GTF2H2C: variants seen among roughly 807,000 people sequenced by gnomAD.
GTF2H2C encodes the protein GTF2H2 family member C.
GTF2H2C carries 5 observed loss-of-function variants against 24.8 expected under a neutral mutation model. The ratio of observed to expected loss-of-function variants is 0.20; its 90% CI spans 0.11 to 0.42. GTF2H2C has a LOEUF of 0.42. GTF2H2C is among the 20% of genes least tolerant of loss of function. The pLI is 1.00. For synonymous variants in GTF2H2C, 14 were observed against 52.6 expected (o/e 0.27, Z 3.18); for missense variants, 45 against 169.8 (o/e 0.27, Z 4.08).
intron 2 of GTF2H2C, among the ~76,000 whole-genome samples, chr5:69,564,769 A>G (rs559887705): frequency 6.6e-6 from 1 of 150,382 alleles, no homozygotes. Context: ...TCACTCAGCT[A>G]TAATAGTTCA....
chr5:69,561,058 G>A (rs2244243), intron 1 of GTF2H2C, among the ~76,000 whole-genome samples: 1 of 151,356 alleles, frequency 6.6e-6, no homozygotes, highest in African/African-American at 2.4e-5. Context: ...CCTGGCCTCG[G>A]TGATATTTTT....
In GTF2H2C at chr5:69,594,542, T is replaced by A. The variant is rs1772120555; in HGVS notation, c.*2344T>A. 1 of 144,092 alleles carries A rather than the reference T, an allele frequency of 6.9e-6. No homozygotes were observed. Among genetic ancestry groups the A allele is most frequent in the African/African-American group, 2.5e-5 (1 of 39,946 alleles). The allele number at this position is 144,092 out of a possible 1,614,324, so 8.9% of individuals were successfully genotyped here. On this transcript the variant is annotated 3_prime_UTR_variant, in exon 17 of 17. Coordinates refer to ENST00000380729, the MANE Select transcript of GTF2H2C (RefSeq NM_001376000.2). Reference sequence around the variant, plus strand: ...CCATGAGCCTGGACCCAGTGGTTCTTTATGTGGAAACAAATTTCACCTATA... The same window carrying A: ...CCATGAGCCTGGACCCAGTGGTTCTATATGTGGAAACAAATTTCACCTATA...
intron 8 of GTF2H2C, chr5:69,568,893 G>A (rs1472206337): frequency 8.5e-6 from 1 of 117,592 alleles, no homozygotes; most frequent in Non-Finnish European, 1.8e-5. Context: ...TAATTTAAAA[G>A]GGAAAAAGTA....
rs1156422359 is a variant in GTF2H2C, at chr5:69,568,491, CTTTTTTTTTTTTTT to C, written c.364+295_364+308del. 1.8e-4 allele frequency: 18 copies of C among 100,170 alleles called. 1 individual carries two copies. In the South Asian group the frequency reaches 1.9e-3, roughly 10 times the overall value. 6.2% of individuals were successfully genotyped at this position (100,170 alleles called of 1,614,324 possible). A position where few individuals can be genotyped will look rare whatever the true frequency, so the allele number is the denominator to read the frequency against. On this transcript the variant is annotated intron_variant, in intron 8 of 16. Coordinates refer to ENST00000380729, the MANE Select transcript of GTF2H2C (RefSeq NM_001376000.2). ...TTATCCTGAAATTTTTTTTTCTTTC[CTTTTTTTTTTTTTT>C]TTTTTTTTTTGGAGATGGAGTCTTG...
At chr5:69,560,620 C>CT (rs1238222614) in intron 1 of GTF2H2C, 5 of 146,768 alleles carry the variant, frequency 3.4e-5, no homozygotes, top group African/African-American at 1.3e-4. Context: ...TGAAGAAAAG[C>CT]TTCTTAAATT....
chr5:69,569,956 GC>G, intron 8 of GTF2H2C: 1 of 33,768 alleles, frequency 3.0e-5, no homozygotes, highest in African/African-American at 6.3e-5. Flanking sequence ...ACAGGCATCA[GC>G]CACCATGCCC....
At chr5:69,591,557 G>C (rs1465840819) in intron 16 of GTF2H2C, among the ~76,000 whole-genome samples, 650 of 149,808 alleles carry the variant, frequency 4.3e-3, no homozygotes, top group Middle Eastern at 0.018. Flanking sequence ...CAAGGAGCAA[G>C]TACTCATATA....
At position 69,577,420 on chromosome 5, in the gene GTF2H2C, C is replaced by G. The variant is rs1301168561; in HGVS notation, c.471-1292C>G. Among the ~76,000 whole-genome samples, 4 of 140,848 alleles carry G rather than the reference C, an allele frequency of 2.8e-5. No homozygotes were observed. In the Admixed American group the frequency reaches 2.8e-4, roughly 10 times the overall value. The allele number at this position is 140,848 out of a possible 152,430, so 92.4% of individuals were successfully genotyped here. On this transcript the variant is annotated intron_variant, in intron 9 of 16. Transcript: ENST00000380729. ...ACAGTATAGTGTAAACAGAACTTTT[C>G]TTTTTCTTTCTTTTTTTTTTTTTGA...
intron 12 of GTF2H2C, among the ~76,000 whole-genome samples, chr5:69,580,147 C>T (rs1231962161): frequency 7.0e-6 from 1 of 142,944 alleles, no homozygotes; most frequent in Non-Finnish European, 1.5e-5. Flanking sequence ...GTAATCCCAG[C>T]ACTTTGGGAG....
At chr5:69,573,041 G>T in intron 9 of GTF2H2C, among the ~76,000 whole-genome samples, 1 of 132,530 alleles carries the variant, frequency 7.5e-6, no homozygotes, top group African/African-American at 2.9e-5. Context: ...ATATATATAA[G>T]CTTTATATAC....
In GTF2H2C at chr5:69,579,749, C is replaced by G. The variant is rs1771441136; in HGVS notation, c.650-8C>G. 1 of 1,592,148 alleles carries G rather than the reference C, an allele frequency of 6.3e-7. No homozygotes were observed. Among genetic ancestry groups the G allele is most frequent in the African/African-American group, 1.4e-5 (1 of 72,008 alleles). ...AAGGTGTTTTTTTTTCCCTTTTCAT[C>G]TTGTTAGGCACGTACCATGTTATTT... On this transcript the variant is annotated splice_region_variant and splice_polypyrimidine_tract_variant and intron_variant, in intron 11 of 16. Coordinates refer to ENST00000380729, the MANE Select transcript of GTF2H2C (RefSeq NM_001376000.2).
chr5:69,577,236 C>T (rs1771343581), intron 9 of GTF2H2C, among the ~76,000 whole-genome samples: 1 of 46,358 alleles, frequency 2.2e-5, no homozygotes, highest in Non-Finnish European at 3.7e-5. Flanking sequence ...GAAAGCACCA[C>T]TCTGATCAGT....
chr5:69,568,429 T>A (rs970763052), intron 8 of GTF2H2C: 1 of 505,354 alleles, frequency 2.0e-6, no homozygotes, highest in African/African-American at 2.1e-5. Context: ...TAATACTACA[T>A]TGAATATAAA....
At chr5:69,562,385 G>A (rs1034940486) in intron 1 of GTF2H2C, among the ~76,000 whole-genome samples, 8 of 152,008 alleles carry the variant, frequency 5.3e-5, no homozygotes, top group Non-Finnish European at 8.8e-5. Context: ...TTTGAGATCA[G>A]CCTGGCAAGT....
chr5:69,594,450 C>CACACAT lies in GTF2H2C; in HGVS notation c.*2257_*2258insTACACA, dbSNP rs1161317453. On this transcript the variant is annotated 3_prime_UTR_variant, in exon 17 of 17. Transcript: ENST00000380729. ...TTCATTTTTAATACACACACACACA[C>CACACAT]ACACACACACACACACACACACACA... 6.5e-6 allele frequency: 1 copy of CACACAT among 153,354 alleles called. No individual in the cohort carries two copies. Among genetic ancestry groups the CACACAT allele is most frequent in the African/African-American group, 2.4e-5 (1 of 41,420 alleles). 9.5% of individuals were successfully genotyped at this position (153,354 alleles called of 1,614,324 possible). A position where few individuals can be genotyped will look rare whatever the true frequency, so the allele number is the denominator to read the frequency against.
intron 1 of GTF2H2C, among the ~76,000 whole-genome samples, chr5:69,560,784 A>T (rs1177768050): frequency 2.0e-5 from 3 of 151,962 alleles, no homozygotes; most frequent in African/African-American, 7.3e-5. Flanking sequence ...TTCGAGACGG[A>T]GTCTCGCCCT....
chr5:69,561,474 C>T (rs1770337926), intron 1 of GTF2H2C, among the ~76,000 whole-genome samples: 1 of 128,224 alleles, frequency 7.8e-6, no homozygotes, highest in Non-Finnish European at 1.6e-5. Flanking sequence ...ATCGCTTGAA[C>T]CCTGGAGGCG....
intron 8 of GTF2H2C, 184 bp downstream of exon 8, chr5:69,568,391 A>G (rs1021347072): frequency 1.1e-5 from 6 of 567,214 alleles, no homozygotes; most frequent in African/African-American, 2.1e-5. Context: ...TAACTATTCT[A>G]AATTGAGTTC....
chr5:69,580,051 GCTTT>G (rs1187077790), intron 12 of GTF2H2C, among the ~76,000 whole-genome samples, 187 bp downstream of exon 12: 1 of 137,550 alleles, frequency 7.3e-6, no homozygotes, highest in South Asian at 2.3e-4. Context: ...AATACTGTTG[GCTTT>G]CTTTATTTTT....
Sources: gnomAD v4.1 joint callset for allele counts (sites outside exome capture counted in the v4.1 genomes callset) on GRCh38, gnomAD v4.1.1 for gene constraint, MANE v1.5 for transcripts, NCBI Gene and HGNC (gene_info 2026-07-23, HGNC 2026-07-21) for gene names.